The following ADGB variants were observed in gnomAD, a reference collection of about 807,000 sequenced individuals.
The protein encoded by ADGB is calpain-7-like protein.
In ADGB, 172 loss-of-function variants were observed where a neutral mutation model predicts 210.5. The ratio of observed to expected loss-of-function variants is 0.82; its 90% CI spans 0.72 to 0.93. The LOEUF (loss-of-function observed/expected upper bound fraction) is 0.93, where lower values mean the gene tolerates loss of function less well. Among genes scored for constraint, ADGB ranks in the 40% least tolerant of loss-of-function variants. The probability of loss-of-function intolerance (pLI) is 0.00; values close to 1 mark genes in which losing one functional copy is unlikely to be tolerated. For synonymous variants in ADGB, 658 were observed against 662.7 expected (o/e 0.99, Z 0.11); for missense variants, 2,025 against 1,964.8 (o/e 1.03, Z -0.58).
At chr6:146,796,447 C>T (rs569396081) in intron 33 of ADGB, among the ~76,000 whole-genome samples, 9 of 152,264 alleles carry the variant, frequency 5.9e-5, no homozygotes, top group Non-Finnish European at 2.9e-5. Context: ...GGAGGCATCA[C>T]ATTGCCCAAC....
intron 5 of ADGB, among the ~76,000 whole-genome samples, chr6:146,661,788 CTAA>C (rs1161202466): frequency 2.6e-5 from 4 of 152,044 alleles, no homozygotes; most frequent in Non-Finnish European, 5.9e-5. Flanking sequence ...TTGAGACACT[CTAA>C]TGATGACAAA....
intron 35 of ADGB, among the ~76,000 whole-genome samples, chr6:146,805,412 G>A (rs1399721163): frequency 6.6e-6 from 1 of 152,118 alleles, no homozygotes; most frequent in Non-Finnish European, 1.5e-5. Context: ...AAAGAGGGAG[G>A]GCAATGCTAC....
chr6:146,654,278 A>G, intron 4 of ADGB, 72 bp downstream of exon 4: 1 of 1,014,898 alleles, frequency 9.9e-7, no homozygotes, highest in Non-Finnish European at 1.5e-6. Flanking sequence ...ATTCCCAGAC[A>G]GTCGATTTCA....
At chr6:146,647,605 T>C (rs11155478) in intron 3 of ADGB, among the ~76,000 whole-genome samples, 91,510 of 151,914 alleles carry the variant, frequency 0.6, 27,660 homozygotes, top group Middle Eastern at 0.66. Flanking sequence ...GAAAACATTG[T>C]GTTTATTCTG....
intron 1 of ADGB, among the ~76,000 whole-genome samples, chr6:146,603,768 T>A (rs909529414): frequency 3.3e-5 from 5 of 152,220 alleles, no homozygotes; most frequent in African/African-American, 1.2e-4. Context: ...TTACAAAAGC[T>A]GAATTCAAGA....
chr6:146,609,018 T>C (rs1359532390), intron 1 of ADGB, among the ~76,000 whole-genome samples: 13 of 152,214 alleles, frequency 8.5e-5, no homozygotes, highest in Admixed American at 7.9e-4. Flanking sequence ...TCTTCATAGT[T>C]CTCTAGGAAC....
intron 1 of ADGB, among the ~76,000 whole-genome samples, chr6:146,615,799 T>C (rs1209111361): frequency 6.6e-6 from 1 of 152,222 alleles, no homozygotes; most frequent in Non-Finnish European, 1.5e-5. Flanking sequence ...ACATTTTCTT[T>C]ATCCATTCAT....
At chr6:146,620,668 A>G (rs1031093464) in intron 1 of ADGB, among the ~76,000 whole-genome samples, 3 of 151,422 alleles carry the variant, frequency 2.0e-5, no homozygotes, top group African/African-American at 4.9e-5. Flanking sequence ...TCTTTGTCGT[A>G]TTTCTCATTT....
chr6:146,709,337 T>C (rs1243468472), intron 13 of ADGB, among the ~76,000 whole-genome samples: 1 of 152,214 alleles, frequency 6.6e-6, no homozygotes, highest in African/African-American at 2.4e-5. Context: ...AGTAGTAAAT[T>C]ATTCTAATAC....
chr6:146,801,149 T>C, intron 33 of ADGB, 34 bp from the exon 34 acceptor site: 1 of 1,241,012 alleles, frequency 8.1e-7, no homozygotes, highest in Non-Finnish European at 1.1e-6. Context: ...TTTTAAAGCC[T>C]AGGTTTTTTG....
intron 1 of ADGB, among the ~76,000 whole-genome samples, chr6:146,625,825 G>C (rs2114848605): frequency 6.6e-6 from 1 of 152,064 alleles, no homozygotes; most frequent in African/African-American, 2.4e-5. Context: ...TGCTAGCAAT[G>C]CAAGAATGGA....
chr6:146,635,660 T>A, intron 2 of ADGB, 123 bp downstream of exon 2: 1 of 1,053,128 alleles, frequency 9.5e-7, no homozygotes, highest in East Asian at 2.9e-5. Context: ...GGAAATTTTT[T>A]ATTTTTCTAT....
chr6:146,779,412 CTAAT>C (rs1777767427), intron 29 of ADGB, among the ~76,000 whole-genome samples: 1 of 152,152 alleles, frequency 6.6e-6, no homozygotes, highest in African/African-American at 2.4e-5. Context: ...GCTATTTGAA[CTAAT>C]AATGGCTGAA....
intron 5 of ADGB, among the ~76,000 whole-genome samples, chr6:146,662,332 A>G (rs1304211175): frequency 6.6e-6 from 1 of 152,082 alleles, no homozygotes; most frequent in Non-Finnish European, 1.5e-5. Flanking sequence ...TGTTGATACT[A>G]TATTTTCCTG....
intron 1 of ADGB, among the ~76,000 whole-genome samples, chr6:146,606,356 T>C (rs907548298): frequency 6.6e-6 from 1 of 152,212 alleles, no homozygotes; most frequent in Non-Finnish European, 1.5e-5. Flanking sequence ...GTTCATTTAC[T>C]TTGTTGATAG....
Position 146,752,750 on chromosome 6 carries a change from A to G in ADGB, c.3550+36A>G, listed in dbSNP as rs1380004409. ...CTTTATGAACAGGATAGTTAGATTCATAAATGGATATTTATGTTTTCATGA... is the reference window on the plus strand; with the variant it reads ...CTTTATGAACAGGATAGTTAGATTCGTAAATGGATATTTATGTTTTCATGA... On this transcript the variant is annotated intron_variant, in intron 27 of 35. Coordinates refer to ENST00000397944, the MANE Select transcript of ADGB (RefSeq NM_024694.4). 2.7e-6 allele frequency: 4 copies of G among 1,462,872 alleles called. No individual in the cohort carries two copies. In the Admixed American group the frequency reaches 8.1e-5, roughly 30 times the overall value. The allele number at this position is 1,462,872 out of a possible 1,614,324, so 90.6% of individuals were successfully genotyped here.
chr6:146,673,758 T>C lies in ADGB; in HGVS notation c.1087+1291T>C, dbSNP rs6902929. ...CCATTTAGGAGAGATCACAAAATGA[T>C]TTTGAATATATTGAAATTGAGGTGC... On this transcript the variant is annotated intron_variant, in intron 8 of 35. Transcript: ENST00000397944. Among the ~76,000 whole-genome samples, 961 of 152,208 alleles carry C rather than the reference T, an allele frequency of 6.3e-3. 13 individuals carry two copies. Among genetic ancestry groups the C allele is most frequent in the African/African-American group, 0.022 (926 of 41,534 alleles).
At chr6:146,716,358 G>A (rs996289733) in intron 14 of ADGB, among the ~76,000 whole-genome samples, 16 of 128,426 alleles carry the variant, frequency 1.2e-4, no homozygotes, top group South Asian at 2.1e-4. Context: ...TTGGGAGGCC[G>A]AGGCGGGTGG....
intron 27 of ADGB, among the ~76,000 whole-genome samples, chr6:146,759,420 C>T (rs1777455486): frequency 6.6e-6 from 1 of 151,362 alleles, no homozygotes; most frequent in Non-Finnish European, 1.5e-5. Flanking sequence ...TGTAAAATTT[C>T]TAATTTTAAA....
Sources: allele counts gnomAD v4.1 joint callset (sites outside exome capture counted in the v4.1 genomes callset), GRCh38; gene constraint gnomAD v4.1.1; transcripts MANE v1.5; gene names NCBI Gene and HGNC (gene_info 2026-07-23, HGNC 2026-07-21).